The following MTOR variants were observed in gnomAD, a reference collection of about 807,000 sequenced individuals.
MTOR encodes the protein mechanistic target of rapamycin kinase.
Under a neutral mutation model 319.8 loss-of-function variants are expected in MTOR, and 70 were observed. That is an observed-to-expected ratio of 0.22 (90% CI 0.18 to 0.27). MTOR has a LOEUF of 0.27. Among genes scored for constraint, MTOR ranks in the 10% least tolerant of loss-of-function variants. MTOR has a pLI of 1.00. For synonymous variants in MTOR, 1,183 were observed against 1,211.4 expected, an observed-to-expected ratio of 0.98 and a Z score of 0.49; for missense variants, 1,890 against 3,274.4, an observed-to-expected ratio of 0.58 and a Z score of 10.32.
chr1:11,237,762 C>T (rs770222033), intron 13 of MTOR, 81 bp downstream of exon 13: 1 of 1,498,220 alleles, frequency 6.7e-7, no homozygotes, highest in Non-Finnish European at 9.2e-7. Context: ...CATCCTTGTC[C>T]TCAACTCCGC....
intron 18 of MTOR, among the ~76,000 whole-genome samples, 193 bp from the exon 19 acceptor site, chr1:11,229,111 C>T (rs1032550563): frequency 1.3e-5 from 2 of 152,150 alleles, no homozygotes; most frequent in Non-Finnish European, 2.9e-5. Flanking sequence ...AAGGAGTAAA[C>T]GGTTTTTGGC....
chr1:11,212,217 T>C lies in MTOR; in HGVS notation c.3561+95A>G. On this transcript the variant is annotated intron_variant, in intron 23 of 57. Coordinates refer to ENST00000361445, the MANE Select transcript of MTOR (RefSeq NM_004958.4). The surrounding 1 kb of genome is among the most constrained non-coding windows in gnomAD (Gnocchi z 4.1). ...CAAGTAATTCCACGTTCTCTGATGG[T>C]GGCTGGCATCAGACAAAGTCTGAGT... is the stretch of plus-strand genomic sequence containing the variant. The C allele has an allele frequency of 7.0e-7, 1 of 1,426,000 alleles. No homozygotes were observed. Among genetic ancestry groups the C allele is most frequent in the Non-Finnish European group, 9.5e-7 (1 of 1,052,084 alleles). The allele number at this position is 1,426,000 out of a possible 1,614,324, so 88.3% of individuals were successfully genotyped here.
At chr1:11,223,488 G>A (rs1004548273) in intron 19 of MTOR, among the ~76,000 whole-genome samples, 1 of 152,094 alleles carries the variant, frequency 6.6e-6, no homozygotes, top group African/African-American at 2.4e-5. Flanking sequence ...GGCGATGGAG[G>A]TAAGAGATAA....
intron 28 of MTOR, among the ~76,000 whole-genome samples, chr1:11,196,998 G>A (rs1645808878): frequency 6.6e-6 from 1 of 152,280 alleles, no homozygotes; most frequent in Middle Eastern, 3.4e-3. Flanking sequence ...ACAACTTGGT[G>A]AAGGGAAAAT....
At position 11,115,339 on chromosome 1, in the gene MTOR, A is replaced by G; in HGVS notation, c.7089+57T>C. ...TTAAGTCTGCCTACAGTGTCAGAGG[A>G]GGGGGAAAAGTGATCACCCGGGAAG... On this transcript the variant is annotated intron_variant, in intron 51 of 57. Transcript: ENST00000361445. This position sits in a 1 kb window ranked among gnomAD's most constrained non-coding sequence, Gnocchi z 4.5. 1 of 1,544,198 alleles carries G rather than the reference A, an allele frequency of 6.5e-7. No individual in the cohort carries two copies. The highest frequency in any genetic ancestry group is 9.0e-7 in the Non-Finnish European group (1 of 1,116,516).
intron 18 of MTOR, 37 bp downstream of exon 18, chr1:11,230,888 G>C (rs1252694945): frequency 3.1e-6 from 5 of 1,612,362 alleles, no homozygotes; most frequent in Non-Finnish European, 4.2e-6. Flanking sequence ...CTGTGAGTGA[G>C]AACTTGGCAA....
chr1:11,108,408 A>T, intron 56 of MTOR, 122 bp from the exon 57 acceptor site: 1 of 797,860 alleles, frequency 1.3e-6, no homozygotes, highest in Admixed American at 2.2e-5. Context: ...GAAGGATACC[A>T]TCATAGTTGG....
At chr1:11,173,672 T>C (rs923508653) in intron 28 of MTOR, among the ~76,000 whole-genome samples, 4 of 152,164 alleles carry the variant, frequency 2.6e-5, no homozygotes, top group Admixed American at 2.6e-4. Flanking sequence ...CTTCCCCCTT[T>C]TTCACTTTAA....
chr1:11,177,518 A>T (rs1426746131), intron 28 of MTOR, among the ~76,000 whole-genome samples: 2 of 152,192 alleles, frequency 1.3e-5, no homozygotes, highest in Non-Finnish European at 1.5e-5. Flanking sequence ...CAATCGCACC[A>T]CTGCACTCCA....
Position 11,127,506 on chromosome 1 carries a change from TC to T in MTOR, c.6216+117del, listed in dbSNP as rs1642900167. 10 of 1,231,616 alleles carry T rather than the reference TC, an allele frequency of 8.1e-6. No individual in the cohort carries two copies. The highest frequency in any genetic ancestry group is 1.1e-5 in the Non-Finnish European group (10 of 898,398). The allele number at this position is 1,231,616 out of a possible 1,614,324, so 76.3% of individuals were successfully genotyped here. A position where few individuals can be genotyped will look rare whatever the true frequency, so the allele number is the denominator to read the frequency against. On this transcript the variant is annotated intron_variant, in intron 44 of 57. Transcript: ENST00000361445. The surrounding 1 kb of genome is among the most constrained non-coding windows in gnomAD (Gnocchi z 5.5). ...AGTGGAAAGGCCAGAGGAAAAGAAATCTGACAAAGGCCTTGGGTCACGTCCT... is the reference window on the plus strand; with the variant it reads ...AGTGGAAAGGCCAGAGGAAAAGAAATTGACAAAGGCCTTGGGTCACGTCCT...
chr1:11,160,087 T>TATTTATTC (rs1644429480), intron 29 of MTOR, among the ~76,000 whole-genome samples: 1 of 150,166 alleles, frequency 6.7e-6, no homozygotes, highest in African/African-American at 2.4e-5. Flanking sequence ...TTTATTTATT[T>TATTTATTC]ATTTATTTAT....
At chr1:11,240,603 C>T in intron 10 of MTOR, 56 bp from the exon 11 acceptor site, 5 of 1,567,752 alleles carry the variant, frequency 3.2e-6, no homozygotes, top group Non-Finnish European at 4.3e-6. Flanking sequence ...TCAGTCTGTT[C>T]TTGGGAAGAA....
intron 19 of MTOR, among the ~76,000 whole-genome samples, chr1:11,222,114 A>G (rs1314826736): frequency 8.1e-6 from 1 of 123,946 alleles, no homozygotes; most frequent in Non-Finnish European, 1.8e-5. Flanking sequence ...TCATGCATGT[A>G]TTCTGCTTTT....
Position 11,210,892 on chromosome 1 carries a change from A to G in MTOR, c.3576T>C (p.Ile1192=), listed in dbSNP as rs749115149. The change falls in exon 24 of 58, where the codon ATT becomes ATC. Residue 1192 remains isoleucine, a synonymous_variant. Coordinates refer to ENST00000361445, the MANE Select transcript of MTOR (RefSeq NM_004958.4). The part of the protein sequence containing the change: ...FQLGKKYQIF[I]PMVNKVLVRH... ...GCACCAGAACTTTATTCACCATTGG[A>G]ATGAAAATTTGGTACTAAAACAGGA... 2.7e-5 allele frequency: 43 copies of G among 1,613,316 alleles called. No individual in the cohort carries two copies. The highest frequency in any genetic ancestry group is 3.6e-5 in the Non-Finnish European group (42 of 1,179,466).
intron 19 of MTOR, 92 bp from the exon 20 acceptor site, chr1:11,216,326 T>C: frequency 1.1e-6 from 1 of 887,936 alleles, no homozygotes; most frequent in Middle Eastern, 2.2e-4. Flanking sequence ...TAAAGGCAAC[T>C]ATGGAATGGG....
At chr1:11,171,700 G>C (rs546044234) in intron 28 of MTOR, among the ~76,000 whole-genome samples, 1 of 152,124 alleles carries the variant, frequency 6.6e-6, no homozygotes, top group South Asian at 2.1e-4. Context: ...GCATAGCTTT[G>C]CAAATTAAAA....
intron 29 of MTOR, among the ~76,000 whole-genome samples, 183 bp from the exon 30 acceptor site, chr1:11,157,474 G>A (rs902230431): frequency 1.3e-5 from 2 of 152,156 alleles, no homozygotes; most frequent in Non-Finnish European, 2.9e-5. Context: ...TGGGGAAGGT[G>A]GAAATACTGG....
intron 38 of MTOR, chr1:11,131,044 G>A (rs1429719050): frequency 1.1e-5 from 6 of 536,410 alleles, no homozygotes; most frequent in Non-Finnish European, 2.0e-5. Flanking sequence ...CTTGCCTCAA[G>A]GGATCTCCCG....
At chr1:11,168,442 G>A (rs1644714582) in intron 28 of MTOR, among the ~76,000 whole-genome samples, 1 of 152,138 alleles carries the variant, frequency 6.6e-6, no homozygotes, top group South Asian at 2.1e-4. Context: ...GACACAGGTG[G>A]CACCAAGGTT....
Sources: gnomAD v4.1 joint callset for allele counts (sites outside exome capture counted in the v4.1 genomes callset) on GRCh38, gnomAD v4.1.1 for gene constraint, Gnocchi (gnomAD v3.1) non-coding constraint, MANE v1.5 for transcripts, NCBI Gene and HGNC (gene_info 2026-07-23, HGNC 2026-07-21) for gene names.